Variants in AZIN2 observed in about 807,000 individuals in gnomAD.
AZIN2 encodes the protein antizyme inhibitor 2.
In AZIN2, 28 loss-of-function variants were observed where a neutral mutation model predicts 47.8. That is an observed-to-expected ratio of 0.59 (90% CI 0.43 to 0.80). AZIN2 has a LOEUF of 0.80. Among genes scored for constraint, AZIN2 ranks in the 30% least tolerant of loss-of-function variants. The pLI is 0.00. For synonymous variants in AZIN2, 221 were observed against 239.4 expected (o/e 0.92, Z 0.71); for missense variants, 535 against 582.5 (o/e 0.92, Z 0.84).
the AZIN2 span, chr1:33,158,298 G>A: frequency 3.7e-6 from 6 of 1,614,016 alleles, no homozygotes; most frequent in Non-Finnish European, 3.4e-6. Flanking sequence ...GTGTACTGCA[G>A]GGGGCCTGTG....
intron 10 of AZIN2, among the ~76,000 whole-genome samples, chr1:33,099,730 G>C (rs1370284663): frequency 6.6e-6 from 1 of 152,192 alleles, no homozygotes; most frequent in Non-Finnish European, 1.5e-5. Context: ...TTCCTCCCCT[G>C]AACGATGCTG....
At chr1:33,083,743 G>T in intron 4 of AZIN2, 2 of 596,276 alleles carry the variant, frequency 3.4e-6, no homozygotes, top group African/African-American at 1.9e-5. Context: ...CCGCATTGAG[G>T]GGAGGGATTG....
chr1:33,118,415 A>T, intron 11 of AZIN2: 1 of 284,150 alleles, frequency 3.5e-6, no homozygotes, highest in Non-Finnish European at 6.6e-6. Context: ...AGGAAGTGGG[A>T]GTCAACTACA....
chr1:33,145,714 C>T, the AZIN2 span: 2 of 369,006 alleles, frequency 5.4e-6, no homozygotes, highest in South Asian at 2.1e-5. Context: ...CAGCCCACTC[C>T]TCCAGTTCCC....
intron 8 of AZIN2, among the ~76,000 whole-genome samples, chr1:33,095,684 C>A (rs1643077782): frequency 6.6e-6 from 1 of 152,194 alleles, no homozygotes; most frequent in South Asian, 2.1e-4. Context: ...CTACACACTA[C>A]AAAATCTGCA....
At chr1:33,152,089 G>C in the AZIN2 span, among the ~76,000 whole-genome samples, 4 of 152,234 alleles carry the variant, frequency 2.6e-5, no homozygotes, top group African/African-American at 9.6e-5. Flanking sequence ...CACCACGACA[G>C]ACCCAGGGGC....
the AZIN2 span, chr1:33,159,605 C>T: frequency 2.0e-6 from 3 of 1,493,784 alleles, no homozygotes; most frequent in African/African-American, 1.4e-5. This position sits in a 1 kb window ranked among gnomAD's most constrained non-coding sequence, Gnocchi z 4.2. Flanking sequence ...TGCTAAGGAT[C>T]CCATCTGCCT....
At chr1:33,118,357 T>C (rs1225106103) in intron 11 of AZIN2, 4 of 405,540 alleles carry the variant, frequency 9.9e-6, no homozygotes, top group African/African-American at 2.1e-5. Flanking sequence ...GTGATAATAC[T>C]GTGCCTGGTG....
the AZIN2 span, among the ~76,000 whole-genome samples, chr1:33,132,310 C>G: frequency 6.6e-6 from 1 of 152,218 alleles, no homozygotes; most frequent in Admixed American, 6.5e-5. Context: ...ACTTCTTTTG[C>G]TTTGTAATTC....
rs71647910 is a variant in AZIN2 at position 33,116,099 on chromosome 1, T to C, written c.1030-1803T>C. On this transcript the variant is annotated intron_variant, in intron 10 of 11. Transcript: ENST00000294517. ...ATTCCTTTGTCTCCCCTTCTTAGAATGGGAGCTTCATGACCACAGGAATTT... is the reference window on the plus strand; with the variant it reads ...ATTCCTTTGTCTCCCCTTCTTAGAACGGGAGCTTCATGACCACAGGAATTT... 7.2e-4 allele frequency among the ~76,000 whole-genome samples: 109 copies of C among 152,332 alleles called. 1 individual carries two copies. The highest frequency in any genetic ancestry group is 1.3e-3 in the Non-Finnish European group (90 of 68,020).
rs564099010 is a variant in AZIN2, at chr1:33,092,348, G to C, written c.452+126G>C. ...GGGAAGGCTGGGCTTCAGAGTGAAG[G>C]GGGGGGTGGGGTGAGGGGGTGGAGC... On this transcript the variant is annotated intron_variant, in intron 6 of 11. Coordinates refer to ENST00000294517, the MANE Select transcript of AZIN2 (RefSeq NM_052998.4). The C allele has an allele frequency of 1.4e-4, 120 of 873,862 alleles. 2 individuals carry two copies. The Middle Eastern group carries it at 1.4e-3, about 11-fold the overall frequency. The allele number at this position is 873,862 out of a possible 1,614,324, so 54.1% of individuals were successfully genotyped here. A position where few individuals can be genotyped will look rare whatever the true frequency, so the allele number is the denominator to read the frequency against.
rs1406643788 is a variant in AZIN2 at position 33,123,265 on chromosome 1, C to A, written c.*3083C>A. ...TCTTTTTCTTCATAGTACCTACCAC[C>A]ACTCAACATACTCTATAACATAACT... On this transcript the variant is annotated 3_prime_UTR_variant, in exon 12 of 12. Coordinates refer to ENST00000294517, the MANE Select transcript of AZIN2 (RefSeq NM_052998.4). Among the ~76,000 whole-genome samples, 1 of 152,200 alleles carries A rather than the reference C, an allele frequency of 6.6e-6. No homozygotes were observed. Among genetic ancestry groups the A allele is most frequent in the Non-Finnish European group, 1.5e-5 (1 of 68,040 alleles).
At chr1:33,141,960 C>T in the AZIN2 span, 1 of 153,038 alleles carries the variant, frequency 6.5e-6, no homozygotes. Context: ...CCCCCCTCCC[C>T]TCTCCTACTT....
the AZIN2 span, among the ~76,000 whole-genome samples, chr1:33,143,543 T>A: frequency 6.6e-6 from 1 of 152,090 alleles, no homozygotes; most frequent in Non-Finnish European, 1.5e-5. Flanking sequence ...CAGAGACCTC[T>A]CCACCCACCC....
At chr1:33,127,684 C>G (rs1278838420), downstream of AZIN2, among the ~76,000 whole-genome samples, 1 of 152,254 alleles carries the variant, frequency 6.6e-6, no homozygotes, top group Non-Finnish European at 1.5e-5. Flanking sequence ...CTGTACGAAC[C>G]TAAGACTTGT....
At position 33,098,059 on chromosome 1, in the gene AZIN2, T is replaced by C. The variant is rs1643345922; in HGVS notation, c.917-8T>C. The C allele has an allele frequency of 6.2e-7, 1 of 1,610,178 alleles. No homozygotes were observed. Among genetic ancestry groups the C allele is most frequent in the African/African-American group, 1.3e-5 (1 of 74,766 alleles). ...CTTGTGCTGCCTCTGAACCCTCCCC[T>C]CCTGCAGAGGAAAATGGTTCCACCT... is the stretch of plus-strand genomic sequence containing the variant. On this transcript the variant is annotated splice_region_variant and splice_polypyrimidine_tract_variant and intron_variant, in intron 9 of 11. Coordinates refer to ENST00000294517, the MANE Select transcript of AZIN2 (RefSeq NM_052998.4).
At position 33,084,139 on chromosome 1, in the gene AZIN2, C is replaced by T. The variant is rs766634757; in HGVS notation, c.279+12C>T. On this transcript the variant is annotated intron_variant, in intron 5 of 11. Coordinates refer to ENST00000294517, the MANE Select transcript of AZIN2 (RefSeq NM_052998.4). ...GCTGTGCCAACAAGGTGAGCCCTGCCCGCACGGTGCACTGACCCTCCATGC... is the reference window on the plus strand; with the variant it reads ...GCTGTGCCAACAAGGTGAGCCCTGCTCGCACGGTGCACTGACCCTCCATGC... 7 of 1,606,324 alleles carry T rather than the reference C, an allele frequency of 4.4e-6. No individual in the cohort carries two copies. Among genetic ancestry groups the T allele is most frequent in the Admixed American group, 3.3e-5 (2 of 59,980 alleles).
the AZIN2 span, among the ~76,000 whole-genome samples, chr1:33,159,153 A>G: frequency 6.6e-6 from 1 of 152,014 alleles, no homozygotes; most frequent in African/African-American, 2.4e-5. The surrounding 1 kb of genome is among the most constrained non-coding windows in gnomAD (Gnocchi z 4.2). Context: ...CAGGAGCCTC[A>G]GTTTCTACAT....
chr1:33,084,304 A>G (rs1346881664), intron 5 of AZIN2, among the ~76,000 whole-genome samples, 177 bp downstream of exon 5: 1 of 152,148 alleles, frequency 6.6e-6, no homozygotes, highest in Admixed American at 6.5e-5. Flanking sequence ...ACGAGCATGG[A>G]ATTTGTCAGC....
Sources: allele counts gnomAD v4.1 joint callset (sites outside exome capture counted in the v4.1 genomes callset), GRCh38; gene constraint gnomAD v4.1.1; non-coding constraint Gnocchi (gnomAD v3.1); transcripts MANE v1.5; gene names NCBI Gene and HGNC (gene_info 2026-07-23, HGNC 2026-07-21).